Variants in RSPO2 observed in about 807,000 individuals in gnomAD.
RSPO2 encodes R-spondin-2.
RSPO2 carries 14 observed loss-of-function variants against 30.9 expected under a neutral mutation model. The ratio of observed to expected loss-of-function variants is 0.45; its 90% CI spans 0.30 to 0.71. The LOEUF (loss-of-function observed/expected upper bound fraction) is 0.71, where lower values mean the gene tolerates loss of function less well. Among genes scored for constraint, RSPO2 ranks in the 30% least tolerant of loss-of-function variants. The probability of loss-of-function intolerance (pLI) is 0.08; values close to 1 mark genes in which losing one functional copy is unlikely to be tolerated. For missense variants in RSPO2, 264 were observed against 301.9 expected (o/e 0.87, Z 0.93); for synonymous variants, 107 against 96.4 (o/e 1.11, Z -0.64).
intron 2 of RSPO2, among the ~76,000 whole-genome samples, chr8:108,001,579 T>G (rs912183685): frequency 9.2e-5 from 14 of 152,190 alleles, no homozygotes; most frequent in African/African-American, 3.4e-4. Flanking sequence ...AATCACGAGC[T>G]CCTCAATTTG....
intron 2 of RSPO2, among the ~76,000 whole-genome samples, chr8:108,018,813 A>G (rs949045777): frequency 3.3e-5 from 5 of 152,214 alleles, no homozygotes; most frequent in Non-Finnish European, 7.4e-5. Flanking sequence ...TCCGAATTTC[A>G]TATCTTCAAG....
At chr8:107,936,778 C>T (rs1812735772) in intron 5 of RSPO2, among the ~76,000 whole-genome samples, 1 of 152,012 alleles carries the variant, frequency 6.6e-6, no homozygotes, top group Non-Finnish European at 1.5e-5. Context: ...GGTATTTTTT[C>T]ATATACCTGT....
chr8:107,904,420 C>T (rs1811575960), intron 5 of RSPO2, among the ~76,000 whole-genome samples: 1 of 151,626 alleles, frequency 6.6e-6, no homozygotes, highest in Non-Finnish European at 1.5e-5. Context: ...ATATCCAATT[C>T]TAGTGACAAA....
At chr8:108,016,616 CTA>C (rs1254687077) in intron 2 of RSPO2, among the ~76,000 whole-genome samples, 77 of 152,174 alleles carry the variant, frequency 5.1e-4, no homozygotes, top group African/African-American at 1.7e-3. Context: ...TATACACACA[CTA>C]TGTGGCTCAG....
At chr8:107,980,990 A>G (rs1814410597) in intron 3 of RSPO2, among the ~76,000 whole-genome samples, 3 of 152,190 alleles carry the variant, frequency 2.0e-5, no homozygotes, top group Non-Finnish European at 2.9e-5. Context: ...AAACGAAGAC[A>G]TTTGTTATTT....
chr8:108,036,216 G>T (rs533116242), intron 2 of RSPO2, among the ~76,000 whole-genome samples: 3 of 152,098 alleles, frequency 2.0e-5, no homozygotes, highest in Non-Finnish European at 4.4e-5. Context: ...AATGCAGCTG[G>T]TGACTTTAAA....
intron 5 of RSPO2, among the ~76,000 whole-genome samples, chr8:107,952,305 A>ATG (rs1563536263): frequency 6.6e-5 from 10 of 151,962 alleles, no homozygotes. Flanking sequence ...ACACACACAC[A>ATG]CACACACACA....
At chr8:107,982,653 A>G (rs1024611291) in intron 3 of RSPO2, among the ~76,000 whole-genome samples, 2 of 152,144 alleles carry the variant, frequency 1.3e-5, no homozygotes, top group Non-Finnish European at 2.9e-5. Flanking sequence ...CTGCTTTCCT[A>G]TGACTCCATG....
chr8:107,999,124 T>C (rs1170658991), intron 2 of RSPO2, among the ~76,000 whole-genome samples: 1 of 152,178 alleles, frequency 6.6e-6, no homozygotes, highest in Non-Finnish European at 1.5e-5. Flanking sequence ...TATTTTTAGG[T>C]ACAAGGTTTA....
intron 2 of RSPO2, among the ~76,000 whole-genome samples, chr8:108,053,930 T>C (rs1670762142): frequency 6.6e-6 from 1 of 152,138 alleles, no homozygotes; most frequent in Admixed American, 6.6e-5. Context: ...ATAAGCTAAC[T>C]CAAGTCCCCA....
chr8:107,966,294 C>G (rs1293204602), intron 3 of RSPO2, among the ~76,000 whole-genome samples: 1 of 152,134 alleles, frequency 6.6e-6, no homozygotes, highest in Non-Finnish European at 1.5e-5. Context: ...AGACAGGTAA[C>G]AGTCCCTATG....
intron 5 of RSPO2, among the ~76,000 whole-genome samples, chr8:107,931,275 C>G (rs1812546698): frequency 6.6e-6 from 1 of 152,084 alleles, no homozygotes; most frequent in Non-Finnish European, 1.5e-5. Context: ...TAAAGTGTGT[C>G]TTTATTCTCC....
At chr8:107,948,306 GAC>G (rs1387744346) in intron 5 of RSPO2, among the ~76,000 whole-genome samples, 3 of 152,170 alleles carry the variant, frequency 2.0e-5, no homozygotes, top group African/African-American at 7.2e-5. Flanking sequence ...ATAGAAAAAT[GAC>G]AGATTGCTTA....
chr8:107,958,310 A>G (rs1813498871), intron 4 of RSPO2, 42 bp from the exon 5 acceptor site: 8 of 1,495,340 alleles, frequency 5.3e-6, no homozygotes, highest in East Asian at 2.3e-5. Context: ...ACACAAGCAC[A>G]TAAGTTAGTA....
intron 3 of RSPO2, among the ~76,000 whole-genome samples, chr8:107,962,058 G>A (rs947740030): frequency 6.6e-6 from 1 of 152,150 alleles, no homozygotes; most frequent in African/African-American, 2.4e-5. Context: ...ACTTGTAACA[G>A]TTTTAACCGA....
intron 3 of RSPO2, among the ~76,000 whole-genome samples, chr8:107,975,519 G>T (rs1318415158): frequency 6.6e-6 from 1 of 152,182 alleles, no homozygotes; most frequent in Non-Finnish European, 1.5e-5. Context: ...AAAGGACTTA[G>T]CCCCCAAAGT....
At chr8:107,914,193 C>T (rs1811906507) in intron 5 of RSPO2, among the ~76,000 whole-genome samples, 1 of 152,068 alleles carries the variant, frequency 6.6e-6, no homozygotes, top group African/African-American at 2.4e-5. Context: ...AGGGCAGGTT[C>T]AAGGACCTGT....
intron 2 of RSPO2, among the ~76,000 whole-genome samples, chr8:107,996,099 C>T (rs1010060842): frequency 4.6e-5 from 7 of 151,762 alleles, no homozygotes; most frequent in Non-Finnish European, 8.8e-5. Context: ...CTTCTCTGTG[C>T]CAGAAAGGGT....
In RSPO2 at chr8:108,035,286, T is replaced by C. The variant is rs559719794; in HGVS notation, c.95-46042A>G. On this transcript the variant is annotated intron_variant, in intron 2 of 5. Coordinates refer to ENST00000276659, the MANE Select transcript of RSPO2 (RefSeq NM_178565.5). The stretch of plus-strand genomic sequence containing the variant: ...AAGTCAACAATTTGGTGAGACTTCC[T>C]ACTGTGCGTCAACTCTTTTTTTGGG... Among the ~76,000 whole-genome samples the C allele has an allele frequency of 4.8e-4, 73 of 152,340 alleles. 1 individual carries two copies. The highest frequency in any genetic ancestry group is 8.2e-4 in the Non-Finnish European group (56 of 68,034).
Sources: allele counts gnomAD v4.1 joint callset (sites outside exome capture counted in the v4.1 genomes callset), GRCh38; gene constraint gnomAD v4.1.1; transcripts MANE v1.5; gene names NCBI Gene and HGNC (gene_info 2026-07-23, HGNC 2026-07-21).